SSBP2: variants seen among roughly 807,000 people sequenced by gnomAD.
SSBP2 encodes the protein single-stranded DNA-binding protein 2.
In SSBP2, 17 loss-of-function variants were observed where a neutral mutation model predicts 61.8. That is an observed-to-expected ratio of 0.28 (90% confidence interval 0.19 to 0.41). SSBP2 has a LOEUF of 0.41. Ranked by LOEUF, SSBP2 falls within the 10% of genes least tolerant of loss-of-function variation. The pLI is 1.00. For synonymous variants in SSBP2, 139 were observed against 141.3 expected, an observed-to-expected ratio of 0.98 and a Z score of 0.12; for missense variants, 310 against 458.7, an observed-to-expected ratio of 0.68 and a Z score of 2.96.
chr5:81,630,375 A>T (rs1747586727), intron 3 of SSBP2, among the ~76,000 whole-genome samples: 1 of 152,206 alleles, frequency 6.6e-6, no homozygotes, highest in African/African-American at 2.4e-5. Context: ...GGGAAGCTTA[A>T]GATCTGGGCA....
intron 8 of SSBP2, among the ~76,000 whole-genome samples, chr5:81,471,414 T>C (rs1425038537): frequency 6.6e-6 from 1 of 151,752 alleles, no homozygotes; most frequent in East Asian, 1.9e-4. Flanking sequence ...AGCTGAAAAA[T>C]AAGTGAATAA....
chr5:81,740,991 C>T (rs79554795), intron 1 of SSBP2, among the ~76,000 whole-genome samples: 1,944 of 152,288 alleles, frequency 0.013, 33 homozygotes, highest in African/African-American at 0.045. Flanking sequence ...CATGCCACCT[C>T]CCACAACTTC....
chr5:81,628,690 T>A (rs984944428), intron 3 of SSBP2, among the ~76,000 whole-genome samples: 1 of 152,130 alleles, frequency 6.6e-6, no homozygotes, highest in Non-Finnish European at 1.5e-5. Flanking sequence ...ACTGGGATGC[T>A]GAGTATGGGG....
At chr5:81,575,449 G>A (rs1774141003) in intron 4 of SSBP2, among the ~76,000 whole-genome samples, 2 of 152,106 alleles carry the variant, frequency 1.3e-5, no homozygotes, top group South Asian at 4.1e-4. Flanking sequence ...AATGGTAATA[G>A]TATTATTTTA....
At chr5:81,439,347 A>G (rs1762865337) in intron 14 of SSBP2, among the ~76,000 whole-genome samples, 1 of 152,128 alleles carries the variant, frequency 6.6e-6, no homozygotes, top group African/African-American at 2.4e-5. Context: ...CATTTGACCT[A>G]TGTGAATGCA....
intron 15 of SSBP2, among the ~76,000 whole-genome samples, chr5:81,435,186 A>G (rs6890723): frequency 6.6e-6 from 1 of 152,198 alleles, no homozygotes; most frequent in African/African-American, 2.4e-5. Context: ...TTAAATGCAT[A>G]TTAACTTTGC....
At chr5:81,525,335 C>G (rs897227278) in intron 4 of SSBP2, among the ~76,000 whole-genome samples, 42 of 151,942 alleles carry the variant, frequency 2.8e-4, no homozygotes, top group African/African-American at 9.7e-4. Context: ...CCTCCTCCCA[C>G]CCTCCATCCT....
chr5:81,612,881 T>C (rs1745593507), intron 4 of SSBP2, among the ~76,000 whole-genome samples: 1 of 152,052 alleles, frequency 6.6e-6, no homozygotes, highest in Non-Finnish European at 1.5e-5. Context: ...TTATTGTTTG[T>C]TCCTGTGTTT....
At chr5:81,713,255 T>TA (rs1303191920) in intron 1 of SSBP2, among the ~76,000 whole-genome samples, 8 of 151,076 alleles carry the variant, frequency 5.3e-5, no homozygotes, top group Admixed American at 2.0e-4. Flanking sequence ...ACAGGAGGAT[T>TA]AAAAAAAAAT....
intron 5 of SSBP2, among the ~76,000 whole-genome samples, chr5:81,496,540 AC>A (rs1391103447): frequency 6.6e-6 from 1 of 152,216 alleles, no homozygotes; most frequent in Non-Finnish European, 1.5e-5. Flanking sequence ...ATATAAACTT[AC>A]AAAATAATTT....
intron 3 of SSBP2, among the ~76,000 whole-genome samples, chr5:81,631,865 C>T (rs1041650584): frequency 1.3e-5 from 2 of 152,106 alleles, no homozygotes; most frequent in Admixed American, 6.5e-5. Context: ...GATGGTAAAA[C>T]TGAGACTGAA....
At chr5:81,525,505 C>A (rs542517060) in intron 4 of SSBP2, among the ~76,000 whole-genome samples, 1 of 152,042 alleles carries the variant, frequency 6.6e-6, no homozygotes, top group East Asian at 1.9e-4. Context: ...CTTGAGAGTT[C>A]TTTCCTCATA....
At chr5:81,427,309 T>C (rs1436657530) in intron 16 of SSBP2, among the ~76,000 whole-genome samples, 1 of 152,104 alleles carries the variant, frequency 6.6e-6, no homozygotes, top group Non-Finnish European at 1.5e-5. Flanking sequence ...TCCTTAACAC[T>C]GACAGGCTAA....
chr5:81,584,977 AAAT>A (rs1322041514), intron 4 of SSBP2, among the ~76,000 whole-genome samples: 1 of 152,154 alleles, frequency 6.6e-6, no homozygotes, highest in Non-Finnish European at 1.5e-5. Flanking sequence ...TAAGATAAAG[AAAT>A]AATAAAAGAG....
At chr5:81,526,947 C>A (rs1769989063) in intron 4 of SSBP2, among the ~76,000 whole-genome samples, 1 of 151,304 alleles carries the variant, frequency 6.6e-6, no homozygotes. Flanking sequence ...GGCCAAAAAA[C>A]CAAACAAACC....
intron 1 of SSBP2, among the ~76,000 whole-genome samples, chr5:81,688,425 C>A (rs929382899): frequency 1.3e-5 from 2 of 152,154 alleles, no homozygotes; most frequent in African/African-American, 4.8e-5. Context: ...CCTTGAGCAA[C>A]CATAGGTGGT....
intron 1 of SSBP2, among the ~76,000 whole-genome samples, chr5:81,722,750 T>C (rs1232315492): frequency 1.3e-5 from 2 of 152,026 alleles, no homozygotes; most frequent in East Asian, 3.8e-4. Context: ...CCTGGCATAA[T>C]GTGTGCTACC....
chr5:81,435,528 G>A (rs1371074784), intron 15 of SSBP2, among the ~76,000 whole-genome samples: 4 of 152,182 alleles, frequency 2.6e-5, no homozygotes, highest in Non-Finnish European at 5.9e-5. Context: ...AGTGGGCATG[G>A]TATGGTGGAA....
chr5:81,492,192 GAGA>G (rs1454998224), intron 5 of SSBP2, among the ~76,000 whole-genome samples: 1 of 152,144 alleles, frequency 6.6e-6, no homozygotes, highest in African/African-American at 2.4e-5. Flanking sequence ...TTAGCAATCT[GAGA>G]AGAATAGGTT....
Sources: allele counts gnomAD v4.1 joint callset (sites outside exome capture counted in the v4.1 genomes callset), GRCh38; gene constraint gnomAD v4.1.1; transcripts MANE v1.5; gene names NCBI Gene and HGNC (gene_info 2026-07-23, HGNC 2026-07-21).